ZNF496: variants seen among roughly 807,000 people sequenced by gnomAD.
The protein encoded by ZNF496 is NSD1 (nuclear receptor binding SET-domain containing 1)-interacting zinc finger protein 1.
In ZNF496, 11 loss-of-function variants were observed where a neutral mutation model predicts 58.9. The ratio of observed to expected loss-of-function variants is 0.19; its 90% CI spans 0.12 to 0.31. The LOEUF (loss-of-function observed/expected upper bound fraction) is 0.31. ZNF496 is among the 10% of genes least tolerant of loss of function. ZNF496 has a pLI of 1.00. For missense variants in ZNF496, 660 were observed against 783.0 expected (o/e 0.84, Z 1.88); for synonymous variants, 338 against 318.2 (o/e 1.06, Z -0.66).
intron 6 of ZNF496, among the ~76,000 whole-genome samples, chr1:247,314,756 C>CT (rs951335293): frequency 7.9e-5 from 12 of 151,964 alleles, no homozygotes; most frequent in African/African-American, 2.4e-4. Flanking sequence ...CTTTCTTTCT[C>CT]TTTTTTTTGA....
In ZNF496 at chr1:247,308,168, C is replaced by T. The variant is rs1349251527; in HGVS notation, c.1006+307G>A. 3 of 327,568 alleles carry T rather than the reference C, an allele frequency of 9.2e-6. No individual in the cohort carries two copies. The highest frequency in any genetic ancestry group is 1.3e-5 in the Non-Finnish European group (3 of 228,630). The allele number at this position is 327,568 out of a possible 1,614,324, so 20.3% of individuals were successfully genotyped here. On this transcript the variant is annotated intron_variant, in intron 9 of 9. Transcript: ENST00000682384. This position sits in a 1 kb window ranked among gnomAD's most constrained non-coding sequence, Gnocchi z 4.5. ...GAGCTGGAGAATGACCCCAGCACAA[C>T]GGAATCAGGGCAAGCAGCTAAGAAC...
chr1:247,314,062 T>C (rs1173227475), intron 6 of ZNF496, among the ~76,000 whole-genome samples: 2 of 152,196 alleles, frequency 1.3e-5, no homozygotes, highest in Non-Finnish European at 1.5e-5. Flanking sequence ...TTTCTATTTT[T>C]ATCTTTATAT....
intron 9 of ZNF496, chr1:247,307,086 T>C (rs1659438338): frequency 1.0e-6 from 1 of 985,082 alleles, no homozygotes; most frequent in Non-Finnish European, 1.2e-6. Context: ...AGAAAAGATA[T>C]TCCACCTCAG....
At chr1:247,302,499 T>G (rs761808660) in intron 9 of ZNF496, among the ~76,000 whole-genome samples, 15 of 151,826 alleles carry the variant, frequency 9.9e-5, no homozygotes, top group Non-Finnish European at 1.5e-5. Flanking sequence ...TGTTTTTAAT[T>G]TTTTGTACAG....
chr1:247,307,155 G>A (rs564482336), intron 9 of ZNF496: 13 of 985,464 alleles, frequency 1.3e-5, no homozygotes, highest in South Asian at 9.4e-5. Flanking sequence ...AGTGTCCTGC[G>A]TGGGCATGGA....
intron 9 of ZNF496, among the ~76,000 whole-genome samples, chr1:247,301,868 C>T (rs926496026): frequency 6.6e-6 from 1 of 152,190 alleles, no homozygotes; most frequent in Non-Finnish European, 1.5e-5. Context: ...GGCTGAAATG[C>T]TACTCAGCCT....
chr1:247,327,739 G>A (rs368409935), intron 5 of ZNF496, among the ~76,000 whole-genome samples: 1 of 137,846 alleles, frequency 7.3e-6, no homozygotes, highest in Non-Finnish European at 1.6e-5. Flanking sequence ...GTCTCCCCTG[G>A]CCCCCCAGAC....
chr1:247,323,394 A>C (rs1177256634), intron 5 of ZNF496, among the ~76,000 whole-genome samples, 164 bp from the exon 6 acceptor site: 1 of 152,184 alleles, frequency 6.6e-6, no homozygotes, highest in East Asian at 1.9e-4. Context: ...ATAAAACCCC[A>C]GTCTCTGTTC....
chr1:247,322,930 A>T, intron 6 of ZNF496: 1 of 775,742 alleles, frequency 1.3e-6, no homozygotes, highest in Non-Finnish European at 2.0e-6. Context: ...AAGCTTCCTG[A>T]AGGTGGCCTG....
At chr1:247,328,213 C>A (rs1246521402) in intron 5 of ZNF496, among the ~76,000 whole-genome samples, 1 of 152,198 alleles carries the variant, frequency 6.6e-6, no homozygotes, top group Non-Finnish European at 1.5e-5. Flanking sequence ...AGACACCACC[C>A]TGTGTCCTCC....
intron 6 of ZNF496, chr1:247,312,733 C>CAAAAAAA (rs35362670): frequency 7.8e-6 from 1 of 127,426 alleles, no homozygotes; most frequent in Admixed American, 7.9e-5. Flanking sequence ...GACTCCATCT[C>CAAAAAAA]AAAAAAAAAA....
At chr1:247,310,085 T>C in intron 7 of ZNF496, 9 of 1,429,228 alleles carry the variant, frequency 6.3e-6, no homozygotes, top group African/African-American at 1.4e-5. Flanking sequence ...ATACAGCACA[T>C]GTTCTATTTG....
At chr1:247,321,021 C>G (rs1178384556) in intron 6 of ZNF496, among the ~76,000 whole-genome samples, 7 of 152,106 alleles carry the variant, frequency 4.6e-5, no homozygotes, top group Admixed American at 4.6e-4. Flanking sequence ...ACTAAGAATA[C>G]AAAAATTAGC....
chr1:247,328,696 G>A lies in ZNF496; in HGVS notation c.561C>T (p.Leu187=), dbSNP rs1660219673. The change falls in exon 5 of 10, where the codon CTC becomes CTT. Residue 187 remains leucine, a synonymous_variant. Transcript: ENST00000682384. ...TGGGCTGCATACCTGGGTCCCCGCT[G>A]AGCTGGCTTGGTGGTCTGCTTGGGA... ...LGLPSRPPSQ[L]SGDPVLQDAF... 1 of 1,593,706 alleles carries A rather than the reference G, an allele frequency of 6.3e-7. No individual in the cohort carries two copies. The highest frequency in any genetic ancestry group is 8.5e-7 in the Non-Finnish European group (1 of 1,169,986).
chr1:247,306,278 C>A (rs889668907), intron 9 of ZNF496, among the ~76,000 whole-genome samples: 2 of 152,030 alleles, frequency 1.3e-5, no homozygotes, highest in African/African-American at 4.8e-5. Context: ...TCACTGCAAC[C>A]TCTACCTCCT....
rs537704527 is a variant in ZNF496 at position 247,328,184 on chromosome 1, T to C, written c.574+499A>G. On this transcript the variant is annotated intron_variant, in intron 5 of 9. Coordinates refer to ENST00000682384, the MANE Select transcript of ZNF496 (RefSeq NM_032752.3). Reference sequence around the variant, plus strand: ...ACATACTCAAACTATGTGTAGCTGATGTTCTGGCCCCACACACTAGACACC... The same window carrying C: ...ACATACTCAAACTATGTGTAGCTGACGTTCTGGCCCCACACACTAGACACC... 1.3e-3 allele frequency among the ~76,000 whole-genome samples: 199 copies of C among 152,348 alleles called. 3 individuals are homozygous for C. The highest frequency in any genetic ancestry group is 6.8e-3 in the Middle Eastern group (2 of 294).
rs1659915635 is a variant in ZNF496 at position 247,320,172 on chromosome 1, C to T, written c.651+2982G>A. The stretch of plus-strand genomic sequence containing the variant: ...ATGAAGACTGATGTGTATATAAAAA[C>T]CTGCACACAAATATTTACAGCAGCT... On this transcript the variant is annotated intron_variant, in intron 6 of 9. Transcript: ENST00000682384. Among the ~76,000 whole-genome samples, 3 of 152,140 alleles carry T rather than the reference C, an allele frequency of 2.0e-5. No individual in the cohort carries two copies. The South Asian group carries it at 6.2e-4, about 32-fold the overall frequency.
At chr1:247,322,658 C>G in intron 6 of ZNF496, 1 of 1,248,892 alleles carries the variant, frequency 8.0e-7, no homozygotes, top group Non-Finnish European at 1.0e-6. Flanking sequence ...TACACAAAAA[C>G]ACGAACGAGA....
Position 247,318,795 on chromosome 1 carries a change from A to G in ZNF496, c.651+4359T>C, listed in dbSNP as rs578245710. On this transcript the variant is annotated intron_variant, in intron 6 of 9. Transcript: ENST00000682384. ...GAACATAAGAAGAAAGAAAACAGTA[A>G]GCCACAATATGGGTAATAAATAGGT... Among the ~76,000 whole-genome samples, 16 of 152,356 alleles carry G rather than the reference A, an allele frequency of 1.1e-4. No homozygotes were observed. The South Asian group carries it at 1.9e-3, about 18-fold the overall frequency.
Sources: gnomAD v4.1 joint callset for allele counts (sites outside exome capture counted in the v4.1 genomes callset) on GRCh38, gnomAD v4.1.1 for gene constraint, Gnocchi (gnomAD v3.1) non-coding constraint, MANE v1.5 for transcripts, NCBI Gene and HGNC (gene_info 2026-07-23, HGNC 2026-07-21) for gene names.